The following SLC35F3 variants were observed in gnomAD, a reference collection of about 807,000 sequenced individuals.
The protein encoded by SLC35F3 is putative thiamine transporter SLC35F3.
In SLC35F3, 25 loss-of-function variants were observed where a neutral mutation model predicts 49.9. The observed-to-expected ratio is 0.50, with a 90% CI of 0.37 to 0.70. SLC35F3 has a LOEUF of 0.70. Ranked by LOEUF, SLC35F3 falls within the 30% of genes least tolerant of loss-of-function variation. The pLI, the probability that SLC35F3 is intolerant of heterozygous loss-of-function variation, is 0.00. For synonymous variants in SLC35F3, 275 were observed against 265.4 expected (o/e 1.04, Z -0.35); for missense variants, 525 against 639.8 (o/e 0.82, Z 1.94).
At chr1:233,924,038 T>C (rs1032044708) in intron 2 of SLC35F3, among the ~76,000 whole-genome samples, 55 of 152,290 alleles carry the variant, frequency 3.6e-4, no homozygotes, top group African/African-American at 1.1e-3. Context: ...CTGCTGGATT[T>C]GTTTTGCCAG....
At chr1:233,924,048 G>A (rs1212056467) in intron 2 of SLC35F3, among the ~76,000 whole-genome samples, 1 of 152,184 alleles carries the variant, frequency 6.6e-6, no homozygotes, top group Non-Finnish European at 1.5e-5. Flanking sequence ...TGTTTTGCCA[G>A]TATTTTATTG....
At chr1:234,092,335 T>G (rs566913994) in intron 2 of SLC35F3, among the ~76,000 whole-genome samples, 1 of 152,316 alleles carries the variant, frequency 6.6e-6, no homozygotes, top group East Asian at 1.9e-4. Context: ...GAGTCTTCCT[T>G]TCTCTCTTCC....
intron 1 of SLC35F3, among the ~76,000 whole-genome samples, 196 bp downstream of exon 1, chr1:233,905,326 G>A (rs568875203): frequency 6.6e-6 from 1 of 152,330 alleles, no homozygotes; most frequent in East Asian, 1.9e-4. Context: ...AGACGCCCAG[G>A]ATAGGGCACT....
intron 2 of SLC35F3, among the ~76,000 whole-genome samples, chr1:234,142,279 G>C (rs1326750427): frequency 6.6e-6 from 1 of 152,198 alleles, no homozygotes; most frequent in Non-Finnish European, 1.5e-5. Flanking sequence ...CGAAAAAAAA[G>C]ATGTTTAGAC....
intron 2 of SLC35F3, among the ~76,000 whole-genome samples, chr1:233,937,930 C>T (rs1662360076): frequency 6.6e-6 from 1 of 152,046 alleles, no homozygotes; most frequent in South Asian, 2.1e-4. Context: ...TGTTAATGTT[C>T]AGGTAGTGAT....
intron 2 of SLC35F3, among the ~76,000 whole-genome samples, chr1:234,062,175 G>C (rs994216254): frequency 2.6e-5 from 4 of 152,138 alleles, no homozygotes; most frequent in African/African-American, 9.7e-5. Context: ...TTACTGTCTG[G>C]ATCATTTAGT....
rs899493971 is a variant in SLC35F3, at chr1:234,100,980, C to G, written c.284-130437C>G. Among the ~76,000 whole-genome samples the G allele has an allele frequency of 2.0e-5, 3 of 152,158 alleles. No homozygotes were observed. The East Asian group carries it at 5.8e-4, about 29-fold the overall frequency. On this transcript the variant is annotated intron_variant, in intron 2 of 7. Transcript: ENST00000366618. Reference sequence around the variant, plus strand: ...TCCTCACCCATCACTCTTCATTTCACCAACCACACCTCAACCACTTGGGGC... The same window carrying G: ...TCCTCACCCATCACTCTTCATTTCAGCAACCACACCTCAACCACTTGGGGC...
intron 2 of SLC35F3, among the ~76,000 whole-genome samples, chr1:233,912,262 G>T (rs1413269636): frequency 6.6e-6 from 1 of 152,214 alleles, no homozygotes; most frequent in South Asian, 2.1e-4. Context: ...GGTGAATCAC[G>T]AGGTCAGGAG....
intron 2 of SLC35F3, among the ~76,000 whole-genome samples, chr1:234,105,115 G>A (rs1175200736): frequency 1.4e-5 from 2 of 141,942 alleles, no homozygotes; most frequent in Non-Finnish European, 3.1e-5. Context: ...GCGACAATGT[G>A]AGACTCCGTT....
intron 2 of SLC35F3, among the ~76,000 whole-genome samples, chr1:234,167,944 G>A (rs1351381839): frequency 1.3e-5 from 2 of 152,168 alleles, no homozygotes; most frequent in African/African-American, 4.8e-5. Context: ...TTTTCTTTGT[G>A]GGCCTATAGC....
chr1:233,941,001 T>G (rs756702201), intron 2 of SLC35F3, among the ~76,000 whole-genome samples: 2 of 152,240 alleles, frequency 1.3e-5, no homozygotes, highest in Non-Finnish European at 2.9e-5. Context: ...AACTTATTTT[T>G]CATTATTTTT....
At chr1:234,189,756 G>A (rs1666704275) in intron 2 of SLC35F3, among the ~76,000 whole-genome samples, 1 of 152,070 alleles carries the variant, frequency 6.6e-6, no homozygotes, top group South Asian at 2.1e-4. Flanking sequence ...CCTCACCTAG[G>A]CACATAGTTA....
intron 2 of SLC35F3, among the ~76,000 whole-genome samples, chr1:234,103,563 C>T (rs897605659): frequency 1.3e-5 from 2 of 152,080 alleles, no homozygotes; most frequent in Non-Finnish European, 2.9e-5. Context: ...GCCACTATAG[C>T]CAGCTTCACA....
chr1:234,039,555 G>A (rs1215621239), intron 2 of SLC35F3, among the ~76,000 whole-genome samples: 1 of 152,174 alleles, frequency 6.6e-6, no homozygotes, highest in Admixed American at 6.5e-5. Flanking sequence ...GCTCCCAGAT[G>A]AAACAAGCAT....
chr1:233,955,090 T>C (rs1662674689), intron 2 of SLC35F3, among the ~76,000 whole-genome samples: 1 of 152,050 alleles, frequency 6.6e-6, no homozygotes, highest in African/African-American at 2.4e-5. Context: ...GTGATCCACC[T>C]GCCTCAGCCT....
At chr1:234,258,632 T>G (rs912801694) in intron 3 of SLC35F3, among the ~76,000 whole-genome samples, 6 of 152,266 alleles carry the variant, frequency 3.9e-5, no homozygotes, top group African/African-American at 1.4e-4. Context: ...GCTTTAAGGT[T>G]AAACTATAAA....
chr1:234,103,145 C>T (rs1460796236), intron 2 of SLC35F3, among the ~76,000 whole-genome samples: 1 of 152,186 alleles, frequency 6.6e-6, no homozygotes, highest in Non-Finnish European at 1.5e-5. Context: ...GGAACCCAGC[C>T]TTCTGATCTA....
intron 2 of SLC35F3, among the ~76,000 whole-genome samples, chr1:233,922,061 G>A (rs957827338): frequency 6.6e-6 from 1 of 152,160 alleles, no homozygotes; most frequent in Non-Finnish European, 1.5e-5. Context: ...ATTTGGCTTG[G>A]TTCCAAGTCT....
chr1:234,117,382 G>A (rs12760467), intron 2 of SLC35F3, among the ~76,000 whole-genome samples: 67,384 of 151,742 alleles, frequency 0.44, 15,508 homozygotes, highest in East Asian at 0.82. Flanking sequence ...ACCTGAGGTC[G>A]GAGTTTCCAG....
Sources: gnomAD v4.1 joint callset for allele counts (sites outside exome capture counted in the v4.1 genomes callset) on GRCh38, gnomAD v4.1.1 for gene constraint, MANE v1.5 for transcripts, NCBI Gene and HGNC (gene_info 2026-07-23, HGNC 2026-07-21) for gene names.